CDC42BPA: variants seen among roughly 807,000 people sequenced by gnomAD.
CDC42BPA encodes CDC42 binding protein kinase alpha.
Under a neutral mutation model 223.5 loss-of-function variants are expected in CDC42BPA, and 80 were observed. The observed-to-expected ratio is 0.36, with a 90% CI of 0.30 to 0.43. CDC42BPA has a LOEUF of 0.43. Ranked by LOEUF, CDC42BPA falls within the 20% of genes least tolerant of loss-of-function variation. CDC42BPA has a pLI of 1.00. For synonymous variants in CDC42BPA, 694 were observed against 718.6 expected (o/e 0.97, Z 0.55); for missense variants, 1,743 against 2,099.9 (o/e 0.83, Z 3.32).
intron 1 of CDC42BPA, among the ~76,000 whole-genome samples, chr1:227,312,128 T>A (rs576598118): frequency 6.5e-4 from 99 of 152,366 alleles, no homozygotes; most frequent in African/African-American, 2.4e-3. Context: ...ATATTTGATG[T>A]ACTTTATATT....
chr1:227,192,786 C>T (rs1173243638), intron 5 of CDC42BPA, among the ~76,000 whole-genome samples: 1 of 149,846 alleles, frequency 6.7e-6, no homozygotes, highest in African/African-American at 2.5e-5. Flanking sequence ...ACTCCATGAA[C>T]ATCAAAATTA....
intron 1 of CDC42BPA, among the ~76,000 whole-genome samples, chr1:227,280,077 A>G (rs1687760008): frequency 6.6e-6 from 1 of 152,154 alleles, no homozygotes. Flanking sequence ...AAAAAAAGAT[A>G]CAAAGTACTG....
Position 227,008,149 on chromosome 1 carries a change from G to A in CDC42BPA, c.4858-3038C>T, listed in dbSNP as rs144782263. On this transcript the variant is annotated intron_variant, in intron 34 of 36. Transcript: ENST00000366766. ...AGTTAGGTGCTGAAAGATATTTGCT[G>A]AATAAATAAATGGAAAATGAATAGA... Among the ~76,000 whole-genome samples, 917 of 152,254 alleles carry A rather than the reference G, an allele frequency of 6.0e-3. 10 individuals carry two copies. The highest frequency in any genetic ancestry group is 0.021 in the African/African-American group (863 of 41,560).
intron 5 of CDC42BPA, among the ~76,000 whole-genome samples, chr1:227,183,844 T>A (rs1246554023): frequency 1.3e-5 from 2 of 152,236 alleles, no homozygotes; most frequent in Non-Finnish European, 2.9e-5. Context: ...TTTCTCCATA[T>A]CCTTGCTAGC....
chr1:227,214,005 T>C (rs560569028), intron 2 of CDC42BPA, among the ~76,000 whole-genome samples: 7 of 152,250 alleles, frequency 4.6e-5, no homozygotes, highest in South Asian at 2.1e-4. Context: ...TTCCAGGCCA[T>C]TGGACTTGCC....
chr1:227,093,192 A>AG (rs1309488815), intron 15 of CDC42BPA, among the ~76,000 whole-genome samples: 1 of 152,194 alleles, frequency 6.6e-6, no homozygotes, highest in Non-Finnish European at 1.5e-5. Context: ...AATTATGTAC[A>AG]GTGACACTCA....
At chr1:227,147,270 G>GT in intron 7 of CDC42BPA, 89 bp downstream of exon 7, 1 of 910,294 alleles carries the variant, frequency 1.1e-6, no homozygotes, top group South Asian at 1.9e-5. Context: ...ATTGTTCACT[G>GT]TTTTTAGAAA....
At chr1:227,136,346 A>C (rs763739174) in intron 10 of CDC42BPA, among the ~76,000 whole-genome samples, 24 of 152,226 alleles carry the variant, frequency 1.6e-4, no homozygotes, top group Admixed American at 1.2e-3. Flanking sequence ...TTAATGAAGC[A>C]CACAAAAAAC....
intron 1 of CDC42BPA, among the ~76,000 whole-genome samples, chr1:227,312,990 A>C (rs2148831486): frequency 6.6e-6 from 1 of 152,284 alleles, no homozygotes; most frequent in East Asian, 1.9e-4. Flanking sequence ...GAGCCAATCA[A>C]ACCTCTTTTC....
chr1:227,069,119 A>C (rs886828632), intron 21 of CDC42BPA: 3 of 152,742 alleles, frequency 2.0e-5, no homozygotes, highest in Non-Finnish European at 4.4e-5. Flanking sequence ...CTATATCTCC[A>C]GCACTTACAA....
intron 2 of CDC42BPA, among the ~76,000 whole-genome samples, chr1:227,245,740 A>G (rs1029054776): frequency 6.6e-6 from 1 of 152,254 alleles, no homozygotes; most frequent in Non-Finnish European, 1.5e-5. Flanking sequence ...CCTTGAAGAG[A>G]AGGATCCAGT....
intron 5 of CDC42BPA, among the ~76,000 whole-genome samples, chr1:227,163,129 C>CAT (rs200074344): frequency 1.3e-5 from 1 of 74,988 alleles, no homozygotes; most frequent in African/African-American, 5.0e-5. Context: ...TGTTTCCAAA[C>CAT]ATATGTGTGT....
In CDC42BPA at chr1:227,254,051, C is replaced by G. The variant is rs368988347; in HGVS notation, c.270+13G>C. The stretch of plus-strand genomic sequence containing the variant: ...ATAATTAGCAGACCTTCTATCAAAT[C>G]TTAATCTCTTACCTCCCCAAAAGCT... On this transcript the variant is annotated intron_variant, in intron 2 of 36. Coordinates refer to ENST00000366766, the MANE Select transcript of CDC42BPA (RefSeq NM_001394014.1). The G allele has an allele frequency of 6.2e-6, 9 of 1,454,676 alleles. No homozygotes were observed. Among genetic ancestry groups the G allele is most frequent in the Non-Finnish European group, 8.6e-6 (9 of 1,041,670 alleles). The allele number at this position is 1,454,676 out of a possible 1,614,324, so 90.1% of individuals were successfully genotyped here.
chr1:227,243,717 T>G (rs1274385135), intron 2 of CDC42BPA, among the ~76,000 whole-genome samples: 6 of 151,978 alleles, frequency 3.9e-5, no homozygotes, highest in Non-Finnish European at 5.9e-5. Context: ...ATACAAGATC[T>G]TTGGAGAGAG....
intron 11 of CDC42BPA, among the ~76,000 whole-genome samples, chr1:227,128,353 T>G (rs997671206): frequency 6.6e-6 from 1 of 152,228 alleles, no homozygotes; most frequent in Non-Finnish European, 1.5e-5. Context: ...AAACTCCTCA[T>G]TTTGCACATC....
intron 5 of CDC42BPA, among the ~76,000 whole-genome samples, chr1:227,170,091 G>A (rs996440329): frequency 2.6e-5 from 4 of 152,074 alleles, no homozygotes; most frequent in Non-Finnish European, 5.9e-5. Flanking sequence ...CTTGAACCTG[G>A]ATGGACTCTT....
chr1:227,069,305 T>C (rs1199443105), intron 21 of CDC42BPA: 1 of 152,196 alleles, frequency 6.6e-6, no homozygotes, highest in Non-Finnish European at 1.5e-5. Context: ...TACTGTGTGA[T>C]ATGCCTAACA....
chr1:227,308,169 C>A (rs1172794523), intron 1 of CDC42BPA, among the ~76,000 whole-genome samples: 5 of 151,962 alleles, frequency 3.3e-5, no homozygotes, highest in Non-Finnish European at 5.9e-5. Flanking sequence ...TATTATTTAC[C>A]AATAAATGGC....
At chr1:227,274,943 C>T (rs955152706) in intron 1 of CDC42BPA, among the ~76,000 whole-genome samples, 2 of 152,102 alleles carry the variant, frequency 1.3e-5, no homozygotes, top group Non-Finnish European at 2.9e-5. Flanking sequence ...ACAAGAGTTA[C>T]ACAGAAAAAT....
Sources: allele counts gnomAD v4.1 joint callset (sites outside exome capture counted in the v4.1 genomes callset), GRCh38; gene constraint gnomAD v4.1.1; transcripts MANE v1.5; gene names NCBI Gene and HGNC (gene_info 2026-07-23, HGNC 2026-07-21).